Variants in ANTXR2 observed in about 807,000 individuals in gnomAD.
The protein encoded by ANTXR2 is ANTXR cell adhesion molecule 2.
In ANTXR2, 44 loss-of-function variants were observed where a neutral mutation model predicts 73.7. That is an observed-to-expected ratio of 0.60 (90% CI 0.47 to 0.77). ANTXR2 has a LOEUF of 0.77. Among genes scored for constraint, ANTXR2 ranks in the 30% least tolerant of loss-of-function variants. The pLI is 0.00. For synonymous variants in ANTXR2, 217 were observed against 205.9 expected (o/e 1.05, Z -0.46); for missense variants, 604 against 592.5 (o/e 1.02, Z -0.20).
chr4:79,928,500 G>C (rs1027042502), intron 16 of ANTXR2, among the ~76,000 whole-genome samples: 2 of 152,008 alleles, frequency 1.3e-5, no homozygotes, highest in East Asian at 3.9e-4. Flanking sequence ...TATTCAAATC[G>C]TAAGTCTTAT....
intron 10 of ANTXR2, among the ~76,000 whole-genome samples, chr4:80,019,954 T>A (rs1473259347): frequency 6.6e-6 from 1 of 152,166 alleles, no homozygotes; most frequent in Non-Finnish European, 1.5e-5. Flanking sequence ...TAATTTTTTA[T>A]TATAAAAATA....
chr4:80,033,316 A>G (rs1444357337), intron 9 of ANTXR2, among the ~76,000 whole-genome samples, 156 bp downstream of exon 9: 1 of 151,888 alleles, frequency 6.6e-6, no homozygotes, highest in Non-Finnish European at 1.5e-5. Context: ...CTATTAAATA[A>G]TTATCACTAC....
chr4:80,068,543 C>T (rs901820018), intron 3 of ANTXR2, among the ~76,000 whole-genome samples: 13 of 152,066 alleles, frequency 8.5e-5, no homozygotes, highest in African/African-American at 3.1e-4. Context: ...TCAAGGCAGG[C>T]AGATCTCTTG....
At chr4:80,035,949 AT>A in intron 8 of ANTXR2, 22 bp downstream of exon 8, 1 of 1,513,354 alleles carries the variant, frequency 6.6e-7, no homozygotes, top group African/African-American at 1.4e-5. Flanking sequence ...CTTACATGGT[AT>A]TTTTAAATTC....
At chr4:79,963,694 T>C (rs114606415) in intron 16 of ANTXR2, among the ~76,000 whole-genome samples, 24 of 152,290 alleles carry the variant, frequency 1.6e-4, no homozygotes, top group African/African-American at 5.5e-4. Flanking sequence ...TACGTTACTA[T>C]AGAATCTTTA....
intron 11 of ANTXR2, among the ~76,000 whole-genome samples, chr4:80,009,708 G>T (rs1446740831): frequency 6.6e-6 from 1 of 151,826 alleles, no homozygotes; most frequent in Non-Finnish European, 1.5e-5. Context: ...TTAGCTGGGC[G>T]TGGTGGCGGG....
At chr4:79,973,727 CCA>C (rs1223236755) in intron 16 of ANTXR2, among the ~76,000 whole-genome samples, 2 of 152,064 alleles carry the variant, frequency 1.3e-5, no homozygotes, top group African/African-American at 4.8e-5. Context: ...CCACACCTGG[CCA>C]CATTCAGGTA....
intron 16 of ANTXR2, among the ~76,000 whole-genome samples, chr4:79,950,763 A>G (rs554268845): frequency 1.3e-5 from 2 of 152,178 alleles, no homozygotes; most frequent in African/African-American, 4.8e-5. Flanking sequence ...TTCAGTGTGC[A>G]TGTCCAAGCC....
chr4:80,017,768 G>A (rs1360458972), intron 11 of ANTXR2, among the ~76,000 whole-genome samples: 1 of 152,082 alleles, frequency 6.6e-6, no homozygotes, highest in Non-Finnish European at 1.5e-5. Flanking sequence ...ACCACATCCT[G>A]AGGGACCAGA....
intron 10 of ANTXR2, among the ~76,000 whole-genome samples, chr4:80,022,145 A>G (rs1437630916): frequency 6.6e-6 from 1 of 152,204 alleles, no homozygotes; most frequent in Non-Finnish European, 1.5e-5. Flanking sequence ...GTATTTTAGC[A>G]TCTTATATTT....
At chr4:80,060,313 C>T (rs1489328531) in intron 3 of ANTXR2, among the ~76,000 whole-genome samples, 2 of 152,176 alleles carry the variant, frequency 1.3e-5, no homozygotes, top group South Asian at 2.1e-4. Context: ...TCAGGGTTAT[C>T]ACTGGCCTTT....
chr4:79,914,030 T>C (rs1368803905), intron 16 of ANTXR2, among the ~76,000 whole-genome samples: 1 of 152,164 alleles, frequency 6.6e-6, no homozygotes, highest in Non-Finnish European at 1.5e-5. Flanking sequence ...TTCTCGTCGA[T>C]CTACATAAAC....
chr4:79,997,418 T>A (rs1730781625), intron 12 of ANTXR2, among the ~76,000 whole-genome samples: 1 of 151,968 alleles, frequency 6.6e-6, no homozygotes, highest in Admixed American at 6.6e-5. Flanking sequence ...TTTACAAGAA[T>A]TTCTTTAAAA....
chr4:79,992,492 C>A (rs190540508), intron 12 of ANTXR2, among the ~76,000 whole-genome samples: 5 of 151,722 alleles, frequency 3.3e-5, no homozygotes, highest in African/African-American at 1.2e-4. Flanking sequence ...TTATTTAATT[C>A]AATTTTATTT....
chr4:80,012,646 G>A (rs948225408), intron 11 of ANTXR2, among the ~76,000 whole-genome samples: 1 of 152,130 alleles, frequency 6.6e-6, no homozygotes, highest in Non-Finnish European at 1.5e-5. Context: ...CAGTCAGGGG[G>A]TGGGGGAGAC....
chr4:79,992,480 CTTTA>C (rs1393614457), intron 12 of ANTXR2, among the ~76,000 whole-genome samples: 4 of 151,624 alleles, frequency 2.6e-5, no homozygotes, highest in Non-Finnish European at 2.9e-5. Flanking sequence ...CTACTTAATT[CTTTA>C]TTTAATTCAA....
chr4:79,953,336 T>C (rs1170361248), intron 16 of ANTXR2, among the ~76,000 whole-genome samples: 1 of 152,166 alleles, frequency 6.6e-6, no homozygotes, highest in African/African-American at 2.4e-5. Flanking sequence ...AATCAGTTGC[T>C]CCATAGATCA....
chr4:79,932,695 G>A (rs1217281648), intron 16 of ANTXR2, among the ~76,000 whole-genome samples: 2 of 149,966 alleles, frequency 1.3e-5, no homozygotes, highest in African/African-American at 4.9e-5. Context: ...GGAAGGCTGA[G>A]GCAGGAGAAT....
At chr4:80,031,577 T>C (rs769619107) in intron 10 of ANTXR2, 46 bp downstream of exon 10, 2 of 1,327,928 alleles carry the variant, frequency 1.5e-6, no homozygotes, top group Non-Finnish European at 2.0e-6. Context: ...TTTCTAATAA[T>C]TTTTTACTAA....
Sources: allele counts gnomAD v4.1 joint callset (sites outside exome capture counted in the v4.1 genomes callset), GRCh38; gene constraint gnomAD v4.1.1; transcripts MANE v1.5; gene names NCBI Gene and HGNC (gene_info 2026-07-23, HGNC 2026-07-21).